FANCC: variants seen among roughly 807,000 people sequenced by gnomAD.
FANCC encodes the protein Fanconi anemia group C protein.
Under a neutral mutation model 71.3 loss-of-function variants are expected in FANCC, and 55 were observed. That is an observed-to-expected ratio of 0.77 (90% CI 0.62 to 0.97). The LOEUF is 0.97. Ranked by LOEUF, FANCC falls within the 50% of genes least tolerant of loss-of-function variation. FANCC has a pLI of 0.00. For missense variants in FANCC, 678 were observed against 670.9 expected, an observed-to-expected ratio of 1.01 and a Z score of -0.12; for synonymous variants, 275 against 244.9, an observed-to-expected ratio of 1.12 and a Z score of -1.15.
At chr9:95,257,715 C>A (rs1396266969) in intron 1 of FANCC, among the ~76,000 whole-genome samples, 1 of 151,966 alleles carries the variant, frequency 6.6e-6, no homozygotes, top group Non-Finnish European at 1.5e-5. Flanking sequence ...ACACAAAAAA[C>A]CCTTCAAAAA....
intron 1 of FANCC, among the ~76,000 whole-genome samples, chr9:95,314,861 G>A (rs1250799687): frequency 6.6e-6 from 1 of 152,044 alleles, no homozygotes; most frequent in Admixed American, 6.5e-5. Flanking sequence ...TTCATGATGA[G>A]ATGGCAATTC....
intron 1 of FANCC, among the ~76,000 whole-genome samples, chr9:95,287,219 T>C (rs1408648210): frequency 1.3e-5 from 2 of 152,144 alleles, no homozygotes; most frequent in South Asian, 2.1e-4. Context: ...AAACATACCA[T>C]GTGCTCATCC....
chr9:95,284,537 A>G (rs1253303133), intron 1 of FANCC, among the ~76,000 whole-genome samples: 3 of 152,214 alleles, frequency 2.0e-5, no homozygotes, highest in African/African-American at 7.2e-5. Context: ...TCAAATTTAA[A>G]TAAACTGTAA....
rs1431150136 is a variant in FANCC, at chr9:95,293,386, G to A, written c.-79+24140C>T. 295 of 1,585,124 alleles carry A rather than the reference G, an allele frequency of 1.9e-4. 3 individuals carry two copies. The South Asian group carries it at 3.4e-3, about 18-fold the overall frequency. On this transcript the variant is annotated intron_variant, in intron 1 of 14. Transcript: ENST00000289081. The stretch of plus-strand genomic sequence containing the variant: ...ACTTACTGCCTGCCCTTGTCAGTAG[G>A]AACCCTGATCCTCGGCCTAGATTCA...
chr9:95,282,965 A>G (rs1468367522), intron 1 of FANCC, among the ~76,000 whole-genome samples: 1 of 152,258 alleles, frequency 6.6e-6, no homozygotes, highest in African/African-American at 2.4e-5. Context: ...AATAAATGCC[A>G]ACTCTCAAAA....
chr9:95,122,240 A>G (rs913093102), intron 10 of FANCC, among the ~76,000 whole-genome samples: 5 of 152,208 alleles, frequency 3.3e-5, no homozygotes, highest in African/African-American at 1.2e-4. Flanking sequence ...ATTATTAGAT[A>G]TCAGGTTTAC....
At chr9:95,130,536 AGTT>A (rs1254347887) in intron 8 of FANCC, among the ~76,000 whole-genome samples, 3 of 152,218 alleles carry the variant, frequency 2.0e-5, no homozygotes, top group Non-Finnish European at 4.4e-5. Context: ...GAGAAGCTGA[AGTT>A]CATTAAGCCT....
chr9:95,225,629 C>A (rs2135960147), intron 4 of FANCC, among the ~76,000 whole-genome samples: 1 of 152,282 alleles, frequency 6.6e-6, no homozygotes, highest in East Asian at 1.9e-4. Context: ...CCATAAACAT[C>A]CTGTTCCTAA....
chr9:95,104,189 C>T (rs1207105736), intron 14 of FANCC, among the ~76,000 whole-genome samples: 1 of 152,184 alleles, frequency 6.6e-6, no homozygotes, highest in Non-Finnish European at 1.5e-5. Flanking sequence ...AGAGGCCCTC[C>T]CTGCCACGCG....
chr9:95,215,699 A>G (rs770395542), intron 4 of FANCC, among the ~76,000 whole-genome samples: 10 of 152,184 alleles, frequency 6.6e-5, no homozygotes, highest in Admixed American at 1.3e-4. Flanking sequence ...TTATGCTGTT[A>G]GGAAGCCAAG....
chr9:95,255,293 C>T (rs1564801229), intron 1 of FANCC, among the ~76,000 whole-genome samples: 1 of 152,086 alleles, frequency 6.6e-6, no homozygotes, highest in Non-Finnish European at 1.5e-5. Flanking sequence ...CGACAGACAC[C>T]TCATACAGGA....
chr9:95,227,732 C>T (rs1000211895), intron 4 of FANCC, among the ~76,000 whole-genome samples: 42 of 152,238 alleles, frequency 2.8e-4, no homozygotes, highest in African/African-American at 8.9e-4. Context: ...TTCTTTACTA[C>T]GGGCCAAGTG....
chr9:95,292,332 G>A (rs1264936923), intron 1 of FANCC: 2 of 782,130 alleles, frequency 2.6e-6, no homozygotes, highest in East Asian at 2.0e-4. Flanking sequence ...CCGCCCTGCG[G>A]GAGCCATGGC....
Position 95,172,069 on chromosome 9 carries a change from G to A in FANCC, c.424C>T (p.Pro142Ser), listed in dbSNP as rs864622581. ...ALFTQGLGYAPIDYYPGLLKN... is the reference protein window; with the variant it reads ...ALFTQGLGYASIDYYPGLLKN... ...AGCAAACCAGGATAGTAATCTATAG[G>A]TGCATACCCAAGACCTTGAGTGAAA... Residue 142 changes from proline to serine, a missense_variant, in exon 5 of 15, where the codon CCT becomes TCT. Transcript: ENST00000289081. 1.2e-6 allele frequency: 2 copies of A among 1,611,890 alleles called. No homozygotes were observed. The highest frequency in any genetic ancestry group is 1.1e-5 in the South Asian group (1 of 91,022).
At chr9:95,102,403 C>T (rs2071130844) in intron 14 of FANCC, among the ~76,000 whole-genome samples, 1 of 152,300 alleles carries the variant, frequency 6.6e-6, no homozygotes, top group Non-Finnish European at 1.5e-5. Context: ...TCAAGGCATT[C>T]GTACTTGTTG....
At chr9:95,288,609 C>T (rs557160807) in intron 1 of FANCC, among the ~76,000 whole-genome samples, 62 of 152,274 alleles carry the variant, frequency 4.1e-4, no homozygotes, top group Non-Finnish European at 8.1e-4. Flanking sequence ...CAGCATGTTT[C>T]ACTCTGGCCC....
chr9:95,116,403 A>G (rs2072422292), intron 11 of FANCC, among the ~76,000 whole-genome samples: 3 of 152,244 alleles, frequency 2.0e-5, no homozygotes, highest in Non-Finnish European at 4.4e-5. Context: ...GCAAGAACCT[A>G]CATCTTCTCG....
chr9:95,275,452 T>C (rs1832980270), intron 1 of FANCC, among the ~76,000 whole-genome samples: 1 of 152,194 alleles, frequency 6.6e-6, no homozygotes. Context: ...ACCCATAGAA[T>C]GTACAACACC....
chr9:95,200,157 T>A (rs184598920), intron 4 of FANCC, among the ~76,000 whole-genome samples: 1 of 152,216 alleles, frequency 6.6e-6, no homozygotes, highest in Non-Finnish European at 1.5e-5. Context: ...CGTTTGAAAA[T>A]CCGGCACATG....
Sources: allele counts gnomAD v4.1 joint callset (sites outside exome capture counted in the v4.1 genomes callset), GRCh38; gene constraint gnomAD v4.1.1; transcripts MANE v1.5; gene names NCBI Gene and HGNC (gene_info 2026-07-23, HGNC 2026-07-21).